Variants in SCAF8 observed in about 807,000 individuals in gnomAD.
SCAF8 encodes SR-related and CTD-associated factor 8.
SCAF8 carries 23 observed loss-of-function variants against 140.5 expected under a neutral mutation model. The observed-to-expected ratio is 0.16, with a 90% CI of 0.12 to 0.23. The LOEUF is 0.23. SCAF8 is among the 10% of genes least tolerant of loss of function. SCAF8 has a pLI of 1.00. For missense variants in SCAF8, 1,397 were observed against 1,555.7 expected (o/e 0.90, Z 1.72); for synonymous variants, 575 against 528.9 (o/e 1.09, Z -1.20).
At position 154,834,165 on chromosome 6, in the gene SCAF8, T is replaced by C. The variant is rs751243874; in HGVS notation, c.*770T>C. The C allele has an allele frequency of 1.3e-5, 2 of 152,188 alleles. No homozygotes were observed. Among genetic ancestry groups the C allele is most frequent in the African/African-American group, 2.4e-5 (1 of 41,448 alleles). The allele number at this position is 152,188 out of a possible 1,614,324, so 9.4% of individuals were successfully genotyped here. A position where few individuals can be genotyped will look rare whatever the true frequency, so the allele number is the denominator to read the frequency against. ...CAAAAGCTTTCTATCATAACAACAA[T>C]GAACTATGTGGTGGAAAAAGCATGT... On this transcript the variant is annotated 3_prime_UTR_variant, in exon 20 of 20. Transcript: ENST00000367178.
At chr6:154,751,741 A>C (rs890174060) in intron 1 of SCAF8, among the ~76,000 whole-genome samples, 10 of 152,118 alleles carry the variant, frequency 6.6e-5, no homozygotes, top group Non-Finnish European at 1.5e-4. Flanking sequence ...GGTAGTATTT[A>C]TGTTTGGTGG....
At chr6:154,815,671 C>T (rs1562461011) in intron 12 of SCAF8, 45 bp from the exon 13 acceptor site, 2 of 1,049,110 alleles carry the variant, frequency 1.9e-6, no homozygotes, top group East Asian at 4.8e-5. Context: ...AAAGAAGTAA[C>T]TATGTCTAAA....
rs1408984448 is a variant in SCAF8 at position 154,822,300 on chromosome 6, A to T, written c.1817A>T (p.Glu606Val). The change falls in exon 16 of 20, where the codon GAA (glutamate) becomes GTA (valine). Residue 606 changes from glutamate to valine, a missense_variant. By Grantham distance (121) the Glu-to-Val change is moderately radical. Around this residue, in one of 5 missense-constraint regions of SCAF8, gnomAD observed 930 missense variants for 874.6 expected, o/e 1.06. Coordinates refer to ENST00000367178, the MANE Select transcript of SCAF8 (RefSeq NM_014892.5). ...NTEWETVKSS[E>V]PVKETVQTTQ... ...GAGTGGGAAACTGTGAAAAGCTCAG[A>T]ACCTGTTAAAGAGACGGTCCAGACA... 1 of 1,612,506 alleles carries T rather than the reference A, an allele frequency of 6.2e-7. No individual in the cohort carries two copies. Among genetic ancestry groups the T allele is most frequent in the African/African-American group, 1.3e-5 (1 of 74,860 alleles).
intron 1 of SCAF8, among the ~76,000 whole-genome samples, chr6:154,753,729 G>A (rs1188067711): frequency 6.6e-6 from 1 of 152,214 alleles, no homozygotes; most frequent in East Asian, 1.9e-4. Context: ...CTGGAAGGTG[G>A]CCTACCAGCC....
chr6:154,818,139 G>T (rs1467869307), intron 13 of SCAF8, among the ~76,000 whole-genome samples: 1 of 152,098 alleles, frequency 6.6e-6, no homozygotes, highest in East Asian at 1.9e-4. Flanking sequence ...CTTTTATCTG[G>T]TGGTATTATG....
intron 3 of SCAF8, among the ~76,000 whole-genome samples, chr6:154,778,769 ATGTG>A (rs71021079): frequency 0.05 from 7,121 of 142,086 alleles, 258 homozygotes; most frequent in African/African-American, 0.099. Flanking sequence ...GTCTCAAAAA[ATGTG>A]TGTGTGTGTG....
intron 4 of SCAF8, among the ~76,000 whole-genome samples, chr6:154,789,945 AT>A (rs1562447129): frequency 6.6e-6 from 1 of 152,286 alleles, no homozygotes; most frequent in African/African-American, 2.4e-5. Context: ...TTATACATGC[AT>A]TTTTTAGAAG....
At chr6:154,794,514 T>C (rs1777528516) in intron 5 of SCAF8, among the ~76,000 whole-genome samples, 1 of 152,138 alleles carries the variant, frequency 6.6e-6, no homozygotes, top group Non-Finnish European at 1.5e-5. Flanking sequence ...TTCACATAAC[T>C]TTTTTCACAG....
intron 8 of SCAF8, among the ~76,000 whole-genome samples, chr6:154,803,876 A>G (rs1777840079): frequency 6.6e-6 from 1 of 152,090 alleles, no homozygotes; most frequent in African/African-American, 2.4e-5. Context: ...TGGTTGTAAT[A>G]TTTTCCATAT....
chr6:154,768,291 C>T (rs1204998737), intron 1 of SCAF8, among the ~76,000 whole-genome samples: 1 of 152,194 alleles, frequency 6.6e-6, no homozygotes, highest in Non-Finnish European at 1.5e-5. Context: ...TTCAGCATCA[C>T]TAGTGCCACT....
intron 1 of SCAF8, among the ~76,000 whole-genome samples, chr6:154,770,335 G>C (rs994611612): frequency 6.6e-6 from 1 of 151,560 alleles, no homozygotes; most frequent in African/African-American, 2.4e-5. Context: ...ATGGTGATCT[G>C]TGCCTGTAGT....
chr6:154,778,997 GT>G (rs1300162609), intron 3 of SCAF8, among the ~76,000 whole-genome samples: 2 of 152,072 alleles, frequency 1.3e-5, no homozygotes, highest in Non-Finnish European at 2.9e-5. Flanking sequence ...TTCTTTAAAA[GT>G]TTTAATGTCT....
At position 154,815,400 on chromosome 6, in the gene SCAF8, C is replaced by G. The variant is rs987082572; in HGVS notation, c.1421-316C>G. On this transcript the variant is annotated intron_variant, in intron 12 of 19. Coordinates refer to ENST00000367178, the MANE Select transcript of SCAF8 (RefSeq NM_014892.5). ...GAATCACCTAGGGAATTTTACAACT[C>G]TCAGTTCCTGTCTTTGACACTGCAT... Among the ~76,000 whole-genome samples, 8 of 152,178 alleles carry G rather than the reference C, an allele frequency of 5.3e-5. No homozygotes were observed. In the East Asian group the frequency reaches 1.2e-3, roughly 22 times the overall value.
At chr6:154,796,353 T>TTCTC (rs532893908) in intron 6 of SCAF8, among the ~76,000 whole-genome samples, 1,630 of 75,180 alleles carry the variant, frequency 0.022, 21 homozygotes, top group Middle Eastern at 0.069. Context: ...TGCAATCCTG[T>TTCTC]TCTCTCTCTC....
In SCAF8 at chr6:154,787,962, A is replaced by G. The variant is rs572058579; in HGVS notation, c.261A>G (p.Arg87=). ...FGQEKDVFAP[R]FSNNIISTFQ... is the part of the protein sequence containing the mutation. ...AAGAAAAGGATGTGTTTGCACCCAG[A>G]TTTAGTAATAACATCATTAGCACTT... The change falls in exon 4 of 20, where the codon AGA becomes AGG. Residue 87 remains arginine (R), a synonymous_variant. Coordinates refer to ENST00000367178, the MANE Select transcript of SCAF8 (RefSeq NM_014892.5). The G allele has an allele frequency of 4.3e-4, 687 of 1,613,636 alleles. 10 individuals are homozygous for G. In the South Asian group the frequency reaches 7.3e-3, roughly 17 times the overall value.
chr6:154,810,635 G>T (rs1424906264), intron 12 of SCAF8, among the ~76,000 whole-genome samples: 1 of 152,172 alleles, frequency 6.6e-6, no homozygotes, highest in Non-Finnish European at 1.5e-5. Flanking sequence ...AGCACTACAG[G>T]ATAATTCCTA....
intron 1 of SCAF8, among the ~76,000 whole-genome samples, chr6:154,742,962 T>C (rs1332976315): frequency 6.6e-6 from 1 of 152,048 alleles, no homozygotes; most frequent in East Asian, 1.9e-4. Flanking sequence ...GATTTTTTTT[T>C]CCATCTCCTG....
At chr6:154,753,185 G>T (rs1583003499) in intron 1 of SCAF8, among the ~76,000 whole-genome samples, 2 of 152,002 alleles carry the variant, frequency 1.3e-5, no homozygotes, top group Admixed American at 6.6e-5. Context: ...AAAAATTAAG[G>T]CCCGGTGTGG....
chr6:154,805,451 A>G lies in SCAF8; in HGVS notation c.946A>G (p.Arg316Gly). ...ACAACAGCAAAACCTAGAACATCTC[A>G]GACAGCAGCTCTTGGAGCAGCAACA... Reference protein sequence around the residue: ...QLQQQNLEHLRQQLLEQQQPQ... With the variant: ...QLQQQNLEHLGQQLLEQQQPQ... Residue 316 changes from arginine (R) to glycine (G), a missense_variant, in exon 9 of 20, where the codon AGA becomes GGA. Transcript: ENST00000367178. 6.2e-7 allele frequency: 1 copy of G among 1,605,300 alleles called. No individual in the cohort carries two copies. The highest frequency in any genetic ancestry group is 8.5e-7 in the Non-Finnish European group (1 of 1,172,578).
Sources: gnomAD v4.1 joint callset for allele counts (sites outside exome capture counted in the v4.1 genomes callset) on GRCh38, gnomAD v4.1.1 for gene constraint, gnomAD v4.1.1 regional missense constraint, MANE v1.5 for transcripts, NCBI Gene and HGNC (gene_info 2026-07-23, HGNC 2026-07-21) for gene names.